The following SLC44A4 variants were observed in gnomAD, a reference collection of about 807,000 sequenced individuals.
SLC44A4 encodes the protein choline transporter-like protein 4.
A neutral mutation model predicts 97.0 loss-of-function variants in SLC44A4; 74 were observed. That is an observed-to-expected ratio of 0.76 (90% CI 0.63 to 0.93). SLC44A4 has a LOEUF of 0.93. SLC44A4 is among the 40% of genes least tolerant of loss of function. SLC44A4 has a pLI of 0.00. For synonymous variants in SLC44A4, 325 were observed against 363.8 expected (o/e 0.89, Z 1.21); for missense variants, 799 against 902.9 (o/e 0.88, Z 1.48).
At position 31,874,341 on chromosome 6, in the gene SLC44A4, A is replaced by G. The variant is rs113315793; in HGVS notation, c.529+119T>C. The G allele has an allele frequency of 4.4e-4, 483 of 1,099,490 alleles. 6 individuals carry two copies. The African/African-American group carries it at 4.5e-3, about 10-fold the overall frequency. The allele number at this position is 1,099,490 out of a possible 1,614,324, so 68.1% of individuals were successfully genotyped here. Reference sequence around the variant, plus strand: ...AGAGCAAAATGAAGACCTGATGCTAATTCCAATTTTGCCACCAACAAGCTA... The same window carrying G: ...AGAGCAAAATGAAGACCTGATGCTAGTTCCAATTTTGCCACCAACAAGCTA... On this transcript the variant is annotated intron_variant, in intron 7 of 20. Transcript: ENST00000229729. The surrounding 1 kb of genome is among the most constrained non-coding windows in gnomAD (Gnocchi z 4.8).
At position 31,863,600 on chromosome 6, in the gene SLC44A4, T is replaced by C; in HGVS notation, c.*27A>G. On this transcript the variant is annotated 3_prime_UTR_variant, in exon 21 of 21. Transcript: ENST00000229729. ...GGATGGCTGGACGGTGGGGGTGGGG[T>C]GCAGTCCTGGATCAGGGCCGGAGCT... is the stretch of plus-strand genomic sequence containing the variant. The C allele has an allele frequency of 2.5e-6, 4 of 1,595,248 alleles. No homozygotes were observed. Among genetic ancestry groups the C allele is most frequent in the Non-Finnish European group, 3.4e-6 (4 of 1,171,728 alleles).
At chr6:31,875,119 G>A (rs891916898) in intron 4 of SLC44A4, 91 bp from the exon 5 acceptor site, 1 of 1,031,946 alleles carries the variant, frequency 9.7e-7, no homozygotes, top group Non-Finnish European at 1.5e-6. Context: ...AGAATACAGT[G>A]GGCCCAGCCC....
At position 31,876,558 on chromosome 6, in the gene SLC44A4, G is replaced by A. The variant is rs1385501999; in HGVS notation, c.90-429C>T. Among the ~76,000 whole-genome samples, 1 of 152,180 alleles carries A rather than the reference G, an allele frequency of 6.6e-6. No individual in the cohort carries two copies. The highest frequency in any genetic ancestry group is 2.4e-5 in the African/African-American group (1 of 41,450). The stretch of plus-strand genomic sequence containing the variant: ...GAGGCCAGGAGTTTGAGACCAGCCT[G>A]GGCAACATAGTGAGATCCCATCTCA... On this transcript the variant is annotated intron_variant, in intron 2 of 20. Transcript: ENST00000229729. The surrounding 1 kb of genome is among the most constrained non-coding windows in gnomAD (Gnocchi z 4.8).
intron 7 of SLC44A4, among the ~76,000 whole-genome samples, chr6:31,873,593 T>C (rs1157455436): frequency 8.5e-5 from 12 of 141,858 alleles, no homozygotes; most frequent in African/African-American, 3.2e-4. Context: ...AATCGAGGAG[T>C]TCAAGACCAG....
chr6:31,873,002 G>A (rs904650178), intron 7 of SLC44A4, among the ~76,000 whole-genome samples: 6 of 151,994 alleles, frequency 3.9e-5, no homozygotes, highest in African/African-American at 9.7e-5. Context: ...TCAGCCTCCC[G>A]AGTAGCTGGG....
chr6:31,876,075 G>A lies in SLC44A4; in HGVS notation c.144C>T (p.Tyr48=), dbSNP rs1562458262. 1.2e-6 allele frequency: 2 copies of A among 1,614,050 alleles called. No homozygotes were observed. The highest frequency in any genetic ancestry group is 1.3e-5 in the African/African-American group (1 of 75,010). The change falls in exon 3 of 21, where the codon TAC becomes TAT. Residue 48 remains tyrosine (Y), a synonymous_variant. Coordinates refer to ENST00000229729, the MANE Select transcript of SLC44A4 (RefSeq NM_025257.3). This position sits in a 1 kb window ranked among gnomAD's most constrained non-coding sequence, Gnocchi z 4.8. ...CVLFLLFILG[Y]IVVGIVAWLY... is the part of the protein sequence containing the mutation. The stretch of plus-strand genomic sequence containing the variant: ...ACTCACCCACAATCCCCACCACGAT[G>A]TAACCTAGAATGAAGAGCAGGAAGA...
chr6:31,873,631 C>T (rs1313439610), intron 7 of SLC44A4, among the ~76,000 whole-genome samples: 1 of 123,728 alleles, frequency 8.1e-6, no homozygotes, highest in Non-Finnish European at 1.8e-5. Context: ...GACTTCATCT[C>T]TTAAAAAAAA....
Position 31,865,423 on chromosome 6 carries a change from G to C in SLC44A4, c.1687-35C>G, listed in dbSNP as rs766891240. On this transcript the variant is annotated intron_variant, in intron 16 of 20. Coordinates refer to ENST00000229729, the MANE Select transcript of SLC44A4 (RefSeq NM_025257.3). This position sits in a 1 kb window ranked among gnomAD's most constrained non-coding sequence, Gnocchi z 5.2. ...GTGGAAAGGTCAGAGTTACCAAGGC[G>C]AGCTGCCTGGACCAGGATGGGGGTG... is the stretch of plus-strand genomic sequence containing the variant. The C allele has an allele frequency of 3.7e-6, 6 of 1,612,926 alleles. No individual in the cohort carries two copies. The highest frequency in any genetic ancestry group is 5.1e-6 in the Non-Finnish European group (6 of 1,179,084).
intron 13 of SLC44A4, among the ~76,000 whole-genome samples, chr6:31,868,487 G>A (rs1488002080): frequency 6.6e-6 from 1 of 152,186 alleles, no homozygotes; most frequent in African/African-American, 2.4e-5. Context: ...ATTTTACAGA[G>A]GAATGGAGCT....
chr6:31,871,951 C>G (rs1002928104), intron 7 of SLC44A4, among the ~76,000 whole-genome samples: 1 of 152,148 alleles, frequency 6.6e-6, no homozygotes, highest in African/African-American at 2.4e-5. Context: ...CATCCACACT[C>G]CCTGGCCAGG....
intron 20 of SLC44A4, among the ~76,000 whole-genome samples, 172 bp from the exon 21 acceptor site, chr6:31,863,920 C>T (rs957254909): frequency 1.3e-5 from 2 of 152,080 alleles, no homozygotes; most frequent in Non-Finnish European, 2.9e-5. Flanking sequence ...TATTATGTTG[C>T]ATAGAGCGAT....
At position 31,876,443 on chromosome 6, in the gene SLC44A4, T is replaced by C. The variant is rs1763451190; in HGVS notation, c.90-314A>G. ...GCCACTACTGCCCGGCTAATTTTTTTTAAATATTTTATTTAGAAAACCTAG... is the reference window on the plus strand; with the variant it reads ...GCCACTACTGCCCGGCTAATTTTTTCTAAATATTTTATTTAGAAAACCTAG... On this transcript the variant is annotated intron_variant, in intron 2 of 20. Transcript: ENST00000229729. The surrounding 1 kb of genome is among the most constrained non-coding windows in gnomAD (Gnocchi z 4.8). 6.6e-6 allele frequency among the ~76,000 whole-genome samples: 1 copy of C among 152,040 alleles called. No individual in the cohort carries two copies. Among genetic ancestry groups the C allele is most frequent in the African/African-American group, 2.4e-5 (1 of 41,378 alleles).
At chr6:31,868,106 C>T (rs1003953463) in intron 13 of SLC44A4, among the ~76,000 whole-genome samples, 2 of 152,202 alleles carry the variant, frequency 1.3e-5, no homozygotes, top group South Asian at 2.1e-4. Context: ...CATGAGCCAC[C>T]GCGCCTGCCA....
chr6:31,870,487 T>C, intron 11 of SLC44A4, 116 bp downstream of exon 11: 1 of 762,394 alleles, frequency 1.3e-6, no homozygotes, highest in Non-Finnish European at 2.2e-6. Context: ...CACTGTGCTA[T>C]ATTCCTCCCT....
chr6:31,875,207 C>G (rs766912736), intron 4 of SLC44A4, among the ~76,000 whole-genome samples, 179 bp from the exon 5 acceptor site: 3 of 152,154 alleles, frequency 2.0e-5, no homozygotes, highest in African/African-American at 4.8e-5. Context: ...TAGAAGATCT[C>G]TCAGAGTAAG....
At chr6:31,864,953 A>T (rs763043225) in intron 18 of SLC44A4, 43 bp from the exon 19 acceptor site, 20 of 1,613,394 alleles carry the variant, frequency 1.2e-5, no homozygotes, top group Non-Finnish European at 1.5e-5. Flanking sequence ...CTCTGAGGCC[A>T]CCTCTTCAGC....
Position 31,876,051 on chromosome 6 carries a change from C to T in SLC44A4, c.163+5G>A, listed in dbSNP as rs1763424103. ...TGCCCTGGCTCTGAGCAGCTGGAAA[C>T]TCACCCACAATCCCCACCACGATGT... On this transcript the variant is annotated splice_donor_5th_base_variant and intron_variant, in intron 3 of 20. Coordinates refer to ENST00000229729, the MANE Select transcript of SLC44A4 (RefSeq NM_025257.3). This position sits in a 1 kb window ranked among gnomAD's most constrained non-coding sequence, Gnocchi z 4.8. The T allele has an allele frequency of 1.2e-6, 2 of 1,614,074 alleles. No homozygotes were observed. The highest frequency in any genetic ancestry group is 2.2e-5 in the East Asian group (1 of 44,892).
chr6:31,866,537 C>G (rs537373697), intron 13 of SLC44A4, among the ~76,000 whole-genome samples: 1 of 152,122 alleles, frequency 6.6e-6, no homozygotes, highest in Non-Finnish European at 1.5e-5. Flanking sequence ...TGAGATCCAT[C>G]TCGATGCATG....
Position 31,874,892 on chromosome 6 carries a change from G to T in SLC44A4, c.342+37C>A. 6.2e-7 allele frequency: 1 copy of T among 1,613,732 alleles called. No homozygotes were observed. The highest frequency in any genetic ancestry group is 1.1e-5 in the South Asian group (1 of 91,046). Reference sequence around the variant, plus strand: ...AAGGGGCTGGAACCTGAGACCCTGGGTGAGATCTGGGGTAGAGGCAGGTCC... The same window carrying T: ...AAGGGGCTGGAACCTGAGACCCTGGTTGAGATCTGGGGTAGAGGCAGGTCC... On this transcript the variant is annotated intron_variant, in intron 5 of 20. Transcript: ENST00000229729. The surrounding 1 kb of genome is among the most constrained non-coding windows in gnomAD (Gnocchi z 4.8).
Sources: allele counts gnomAD v4.1 joint callset (sites outside exome capture counted in the v4.1 genomes callset), GRCh38; gene constraint gnomAD v4.1.1; non-coding constraint Gnocchi (gnomAD v3.1); transcripts MANE v1.5; gene names NCBI Gene and HGNC (gene_info 2026-07-23, HGNC 2026-07-21).